Variants in DUSP4 observed in about 807,000 individuals in gnomAD.
DUSP4 encodes the protein dual specificity protein phosphatase 4.
A neutral mutation model predicts 27.2 loss-of-function variants in DUSP4; 12 were observed. The observed-to-expected ratio is 0.44, with a 90% confidence interval of 0.28 to 0.71. DUSP4 has a LOEUF of 0.71. Among genes scored for constraint, DUSP4 ranks in the 30% least tolerant of loss-of-function variants. The pLI is 0.14. For missense variants in DUSP4, 448 were observed against 551.3 expected, an observed-to-expected ratio of 0.81 and a Z score of 1.88; for synonymous variants, 257 against 245.2, an observed-to-expected ratio of 1.05 and a Z score of -0.45.
intron 1 of DUSP4, among the ~76,000 whole-genome samples, chr8:29,341,807 A>G (rs1487674285): frequency 6.6e-6 from 1 of 152,220 alleles, no homozygotes; most frequent in East Asian, 1.9e-4. Context: ...GAAGTCCTTC[A>G]GGGGCTTCTG....
intron 1 of DUSP4, among the ~76,000 whole-genome samples, chr8:29,342,834 A>G (rs776746260): frequency 6.6e-5 from 10 of 152,178 alleles, no homozygotes; most frequent in Non-Finnish European, 1.3e-4. Context: ...ATTACAGAAA[A>G]GTCAGTTCCC....
At position 29,349,920 on chromosome 8, in the gene DUSP4, T is replaced by C. The variant is rs765352428; in HGVS notation, c.359A>G (p.Glu120Gly). ...ERSPRAESLR[E>G]DSTVSLVVQA... ...CACCACCAGCGACACGGTGCTGTCCTCGCGGAGGCTCTCGGCGCGCGGGCT... is the reference window on the plus strand; with the variant it reads ...CACCACCAGCGACACGGTGCTGTCCCCGCGGAGGCTCTCGGCGCGCGGGCT... Residue 120 changes from glutamate (E) to glycine (G), a missense_variant, in exon 1 of 4, where the codon GAG becomes GGG. By Grantham distance (98) the Glu-to-Gly change is moderately conservative. Around this residue, in one of 3 missense-constraint regions of DUSP4, gnomAD observed 345 missense variants for 394.0 expected, o/e 0.88. Coordinates refer to ENST00000240100, the MANE Select transcript of DUSP4 (RefSeq NM_001394.7). The C allele has an allele frequency of 3.1e-6, 5 of 1,591,600 alleles. No individual in the cohort carries two copies. The highest frequency in any genetic ancestry group is 4.3e-6 in the Non-Finnish European group (5 of 1,173,490).
chr8:29,343,449 G>A (rs1817684660), intron 1 of DUSP4, among the ~76,000 whole-genome samples: 1 of 152,162 alleles, frequency 6.6e-6, no homozygotes, highest in Admixed American at 6.5e-5. Context: ...TCCATCGGTG[G>A]AAGAAGCTGC....
chr8:29,343,158 A>C (rs1326268166), intron 1 of DUSP4, among the ~76,000 whole-genome samples: 1 of 115,836 alleles, frequency 8.6e-6, no homozygotes, highest in African/African-American at 4.0e-5. Flanking sequence ...TCAGAGCGAG[A>C]CTCCATCTCA....
rs150072220 is a variant in DUSP4, at chr8:29,343,474, C to G, written c.434-3231G>C. Among the ~76,000 whole-genome samples, 188 of 152,312 alleles carry G rather than the reference C, an allele frequency of 1.2e-3. 3 individuals carry two copies. The East Asian group carries it at 0.024, about 20-fold the overall frequency. On this transcript the variant is annotated intron_variant, in intron 1 of 3. Transcript: ENST00000240100. ...GAAGAAGCTGCTCAAGTCCACCCCC[C>G]ACAGGGCCATGCCCCAGTAAGTCAT...
At chr8:29,340,283 A>C in intron 1 of DUSP4, 40 bp from the exon 2 acceptor site, 2 of 1,555,406 alleles carry the variant, frequency 1.3e-6, no homozygotes, top group Non-Finnish European at 1.7e-6. Flanking sequence ...GGGGTCACTA[A>C]GCCAGCAGGA....
intron 1 of DUSP4, 26 bp downstream of exon 1, chr8:29,349,820 A>G (rs758627035): frequency 2.7e-6 from 4 of 1,473,868 alleles, no homozygotes; most frequent in Admixed American, 4.7e-5. Context: ...CCCCGACTCC[A>G]GCTAGCGCCC....
rs759509159 is a variant in DUSP4 at position 29,340,112 on chromosome 8, G to C, written c.565C>G (p.Pro189Ala). 10 of 1,578,802 alleles carry C rather than the reference G, an allele frequency of 6.3e-6. No homozygotes were observed. In the African/African-American group the frequency reaches 1.1e-4, roughly 17 times the overall value. ...LDLGCSSCGT[P>A]LHDQGGPVEI... ...CCCGAGTCTACCTGGTCGTGTAGTG[G>C]GGTCCCACAGGAGCTGCAGCCCAGG... is the stretch of plus-strand genomic sequence containing the variant. The change falls in exon 2 of 4, where the codon CCA (proline) becomes GCA (alanine). Residue 189 changes from proline to alanine, a missense_variant. Pro to Ala is a conservative substitution (Grantham distance 27). Around this residue, in one of 3 missense-constraint regions of DUSP4, gnomAD observed 345 missense variants for 394.0 expected, o/e 0.88. Transcript: ENST00000240100.
chr8:29,337,137 GGCGGGGGTCTTGCCCCGCTCCC>G lies in DUSP4; in HGVS notation c.1052_1073del (p.Arg351ProfsTer65). 1 of 1,611,082 alleles carries G rather than the reference GGCGGGGGTCTTGCCCCGCTCCC, an allele frequency of 6.2e-7. No homozygotes were observed. The highest frequency in any genetic ancestry group is 8.5e-7 in the Non-Finnish European group (1 of 1,178,790). On this transcript the variant is annotated frameshift_variant, in exon 4 of 4. Transcript: ENST00000240100. LOFTEE classifies it high-confidence loss of function. The surrounding 1 kb of genome is among the most constrained non-coding windows in gnomAD (Gnocchi z 6.4). ...TGAAGACGAACTGCGAGGTGGGGGT[GGCGGGGGTCTTGCCCCGCTCCC>G]GCAGGGGTCCCGAGGGGCTAGCAGC...
intron 1 of DUSP4, chr8:29,345,561 T>C (rs1400005608): frequency 5.9e-6 from 9 of 1,529,514 alleles, no homozygotes; most frequent in Non-Finnish European, 7.0e-6. Flanking sequence ...AGGAACTGCC[T>C]CCCGGTAAGG....
At chr8:29,338,541 G>A (rs1485917911) in intron 2 of DUSP4, 40 bp from the exon 3 acceptor site, 1 of 1,589,328 alleles carries the variant, frequency 6.3e-7, no homozygotes, top group Non-Finnish European at 8.6e-7. Context: ...AATGACATGA[G>A]GGTAAAGTGC....
chr8:29,339,905 AG>A (rs1023982046), intron 2 of DUSP4, among the ~76,000 whole-genome samples, 192 bp downstream of exon 2: 44 of 149,440 alleles, frequency 2.9e-4, no homozygotes, highest in African/African-American at 1.0e-3. Context: ...CCCAGCTACC[AG>A]GGAGGATCCC....
In DUSP4 at chr8:29,334,893, C is replaced by G. The variant is rs537212664; in HGVS notation, c.*2133G>C. On this transcript the variant is annotated 3_prime_UTR_variant, in exon 4 of 4. Transcript: ENST00000240100. ...TTGCCAGTGGGAGCTCTGGCCTCAC[C>G]CACAGGCGGAGCTTGGTGAAGTCAG... The G allele has an allele frequency of 6.6e-6, 1 of 152,302 alleles. No homozygotes were observed. Among genetic ancestry groups the G allele is most frequent in the African/African-American group, 2.4e-5 (1 of 41,546 alleles). 9.4% of individuals were successfully genotyped at this position (152,302 alleles called of 1,614,324 possible). A position where few individuals can be genotyped will look rare whatever the true frequency, so the allele number is the denominator to read the frequency against.
chr8:29,338,372 C>G lies in DUSP4; in HGVS notation c.709G>C (p.Glu237Gln), dbSNP rs753038586. ...ATGCACTTGTACTGATAGTGTCCTTCAAAGTGGTTTGGGCAGTCCGAGGAG... is the reference window on the plus strand; with the variant it reads ...ATGCACTTGTACTGATAGTGTCCTTGAAAGTGGTTTGGGCAGTCCGAGGAG... ...NVSSDCPNHFEGHYQYKCIPV... is the reference protein window; with the variant it reads ...NVSSDCPNHFQGHYQYKCIPV... The change falls in exon 3 of 4, where the codon GAA becomes CAA. Residue 237 changes from glutamate (E) to glutamine (Q), a missense_variant. Glu to Gln is a conservative substitution (Grantham distance 29). This residue lies in a region of DUSP4 where 345 missense variants were observed against 394.0 expected (regional missense o/e 0.88). Coordinates refer to ENST00000240100, the MANE Select transcript of DUSP4 (RefSeq NM_001394.7). 8.1e-6 allele frequency: 13 copies of G among 1,614,146 alleles called. No homozygotes were observed. The highest frequency in any genetic ancestry group is 1.1e-5 in the Non-Finnish European group (13 of 1,180,040).
chr8:29,349,757 G>A, intron 1 of DUSP4, 89 bp downstream of exon 1: 1 of 1,379,222 alleles, frequency 7.3e-7, no homozygotes, highest in Non-Finnish European at 9.4e-7. Flanking sequence ...GAATCACGCC[G>A]GGGACTCCTT....
chr8:29,347,471 C>T (rs1407276607), intron 1 of DUSP4, among the ~76,000 whole-genome samples: 2 of 152,210 alleles, frequency 1.3e-5, no homozygotes, highest in African/African-American at 2.4e-5. Context: ...CGATGTTCAC[C>T]ACAACAGAGC....
chr8:29,337,563 G>A lies in DUSP4; in HGVS notation c.800-152C>T. On this transcript the variant is annotated intron_variant, in intron 3 of 3. Transcript: ENST00000240100. The surrounding 1 kb of genome is among the most constrained non-coding windows in gnomAD (Gnocchi z 6.4). ...AGAGGAAGAAAACCCATGTAGGCAG[G>A]TCTCTAGAATGCCCCCAATTCTGAG... 9.2e-7 allele frequency: 1 copy of A among 1,085,266 alleles called. No homozygotes were observed. The highest frequency in any genetic ancestry group is 1.6e-5 in the South Asian group (1 of 60,878). The allele number at this position is 1,085,266 out of a possible 1,614,324, so 67.2% of individuals were successfully genotyped here.
intron 1 of DUSP4, among the ~76,000 whole-genome samples, chr8:29,343,865 A>G (rs895916910): frequency 6.6e-6 from 1 of 152,182 alleles, no homozygotes; most frequent in Non-Finnish European, 1.5e-5. Context: ...GGGCAGGGTT[A>G]AAAAAGATTA....
intron 1 of DUSP4, among the ~76,000 whole-genome samples, chr8:29,344,107 T>C (rs534190809): frequency 2.0e-5 from 3 of 152,374 alleles, no homozygotes; most frequent in African/African-American, 7.2e-5. Context: ...ACTCAACTTG[T>C]GGAACTTGGA....
Sources: allele counts gnomAD v4.1 joint callset (sites outside exome capture counted in the v4.1 genomes callset), GRCh38; gene constraint gnomAD v4.1.1; regional missense constraint gnomAD v4.1.1; non-coding constraint Gnocchi (gnomAD v3.1); transcripts MANE v1.5; gene names NCBI Gene and HGNC (gene_info 2026-07-23, HGNC 2026-07-21).